The following PIAS2 variants were observed in gnomAD, a reference collection of about 807,000 sequenced individuals.
The protein encoded by PIAS2 is protein inhibitor of activated STAT 2.
A neutral mutation model predicts 69.7 loss-of-function variants in PIAS2; 19 were observed. The ratio of observed to expected loss-of-function variants is 0.27; its 90% confidence interval spans 0.19 to 0.40. The LOEUF is 0.40. Ranked by LOEUF, PIAS2 falls within the 10% of genes least tolerant of loss-of-function variation. The probability of loss-of-function intolerance (pLI) is 1.00; values close to 1 mark genes in which losing one functional copy is unlikely to be tolerated. For missense variants in PIAS2, 624 were observed against 757.0 expected (o/e 0.82, Z 2.06); for synonymous variants, 261 against 263.2 (o/e 0.99, Z 0.08).
chr18:46,828,255 T>C, intron 10 of PIAS2, 125 bp from the exon 11 acceptor site: 3 of 758,166 alleles, frequency 4.0e-6, no homozygotes, highest in South Asian at 6.3e-5. Flanking sequence ...AGCCACATAC[T>C]CCAACCCATG....
At chr18:46,914,234 A>G (rs1168088863) in intron 1 of PIAS2, among the ~76,000 whole-genome samples, 1 of 152,148 alleles carries the variant, frequency 6.6e-6, no homozygotes. Context: ...TTCCCTTTTC[A>G]GAGAACTTCC....
chr18:46,832,908 A>AAAAAAAAAAAAC (rs1568417434), intron 9 of PIAS2, among the ~76,000 whole-genome samples: 5 of 151,788 alleles, frequency 3.3e-5, no homozygotes, highest in African/African-American at 1.2e-4. Flanking sequence ...AAAAAAAAAA[A>AAAAAAAAAAAAC]AGAGAAGCCA....
chr18:46,825,105 T>C (rs962090722), intron 11 of PIAS2, among the ~76,000 whole-genome samples: 1 of 152,160 alleles, frequency 6.6e-6, no homozygotes, highest in African/African-American at 2.4e-5. Context: ...ATTTGCTTAC[T>C]ATCTTTGATG....
rs2040645981 is a variant in PIAS2, at chr18:46,805,539, G to C, written c.*6894C>G. 1 of 152,264 alleles carries C rather than the reference G, an allele frequency of 6.6e-6. No individual in the cohort carries two copies. Among genetic ancestry groups the C allele is most frequent in the African/African-American group, 2.4e-5 (1 of 41,450 alleles). The allele number at this position is 152,264 out of a possible 1,614,324, so 9.4% of individuals were successfully genotyped here. A position where few individuals can be genotyped will look rare whatever the true frequency, so the allele number is the denominator to read the frequency against. ...TTTTTTAGAGACGTGTAACGATGCA[G>C]TAGGGGGGAAGGACAGCAACCACTG... On this transcript the variant is annotated 3_prime_UTR_variant, in exon 14 of 14. Transcript: ENST00000585916.
chr18:46,843,000 G>A (rs550217306), intron 8 of PIAS2, among the ~76,000 whole-genome samples: 1 of 152,310 alleles, frequency 6.6e-6, no homozygotes, highest in African/African-American at 2.4e-5. Flanking sequence ...TAAAAGAGAT[G>A]TACTTGTAAT....
intron 8 of PIAS2, among the ~76,000 whole-genome samples, chr18:46,838,009 G>A (rs2044713737): frequency 6.6e-6 from 1 of 152,190 alleles, no homozygotes; most frequent in African/African-American, 2.4e-5. Context: ...AGGAAACGAA[G>A]AAGACGGACC....
At chr18:46,886,192 G>A (rs1329265315) in intron 2 of PIAS2, among the ~76,000 whole-genome samples, 1 of 152,028 alleles carries the variant, frequency 6.6e-6, no homozygotes, top group Non-Finnish European at 1.5e-5. Flanking sequence ...TATCCTCTCT[G>A]TCCTGTGCTT....
chr18:46,919,506 G>T (rs1212823086), upstream of PIAS2, among the ~76,000 whole-genome samples: 1 of 150,078 alleles, frequency 6.7e-6, no homozygotes, highest in South Asian at 2.1e-4. Context: ...AAAATTAGCC[G>T]GGTGTGGTGG....
rs145288978 is a variant in PIAS2, at chr18:46,806,004, A to C, written c.*6429T>G. 65 of 152,064 alleles carry C rather than the reference A, an allele frequency of 4.3e-4. No individual in the cohort carries two copies. Among genetic ancestry groups the C allele is most frequent in the African/African-American group, 1.4e-3 (60 of 41,480 alleles). The allele number at this position is 152,064 out of a possible 1,614,324, so 9.4% of individuals were successfully genotyped here. A position where few individuals can be genotyped will look rare whatever the true frequency, so the allele number is the denominator to read the frequency against. On this transcript the variant is annotated 3_prime_UTR_variant, in exon 14 of 14. Transcript: ENST00000585916. The stretch of plus-strand genomic sequence containing the variant: ...TGGATGAAAAATGCACTCAACCCTT[A>C]CTCCTATATTCAGTCACTGAATCTT...
intron 1 of PIAS2, among the ~76,000 whole-genome samples, chr18:46,894,463 G>T (rs1052789209): frequency 6.6e-6 from 1 of 152,000 alleles, no homozygotes; most frequent in Non-Finnish European, 1.5e-5. Flanking sequence ...TTTTCCAAGC[G>T]GTTTTTCCAC....
At chr18:46,848,786 T>TGAGA (rs202103771) in intron 5 of PIAS2, among the ~76,000 whole-genome samples, 4 of 147,422 alleles carry the variant, frequency 2.7e-5, no homozygotes, top group Non-Finnish European at 6.0e-5. Flanking sequence ...TGTGTGTGTG[T>TGAGA]GTGAGAGAGA....
rs2144722763 is a variant in PIAS2 at position 46,815,309 on chromosome 18, T to C, written c.1686+3A>G. The C allele has an allele frequency of 6.2e-7, 1 of 1,610,986 alleles. No individual in the cohort carries two copies. The highest frequency in any genetic ancestry group is 8.5e-7 in the Non-Finnish European group (1 of 1,177,604). The stretch of plus-strand genomic sequence containing the variant: ...ATTAGTTGCTTAAATTCAGGATACA[T>C]ACCTGGGGATCAACTGGAATAAGGG... On this transcript the variant is annotated splice_donor_region_variant and intron_variant, in intron 13 of 13. Coordinates refer to ENST00000585916, the MANE Select transcript of PIAS2 (RefSeq NM_004671.5).
At chr18:46,859,353 G>A (rs1023320563) in intron 3 of PIAS2, among the ~76,000 whole-genome samples, 1 of 149,292 alleles carries the variant, frequency 6.7e-6, no homozygotes, top group Non-Finnish European at 1.5e-5. Flanking sequence ...GCGTGAACTC[G>A]GGAGTCAGAG....
At chr18:46,893,384 G>T (rs1345798506) in intron 1 of PIAS2, 3 of 637,650 alleles carry the variant, frequency 4.7e-6, no homozygotes, top group Non-Finnish European at 5.9e-6. Flanking sequence ...CATTTTAAGG[G>T]AAGCTATTTT....
intron 2 of PIAS2, among the ~76,000 whole-genome samples, chr18:46,881,656 A>G (rs961354026): frequency 6.6e-6 from 1 of 152,196 alleles, no homozygotes; most frequent in Admixed American, 6.5e-5. Flanking sequence ...AGGCCAATGC[A>G]GTAACTGACC....
At chr18:46,917,516 C>G (rs1000191399), upstream of PIAS2, 4 of 1,158,382 alleles carry the variant, frequency 3.5e-6, no homozygotes, top group African/African-American at 6.5e-5. Flanking sequence ...GTGAACGGCG[C>G]GGGAGCTCCG....
chr18:46,838,349 G>A (rs1022645186), intron 8 of PIAS2, among the ~76,000 whole-genome samples: 1 of 152,094 alleles, frequency 6.6e-6, no homozygotes, highest in Non-Finnish European at 1.5e-5. Context: ...TTATAAATAA[G>A]GAAACTAAGG....
chr18:46,902,593 T>TA (rs2056048510), intron 1 of PIAS2, among the ~76,000 whole-genome samples: 1 of 151,798 alleles, frequency 6.6e-6, no homozygotes, highest in African/African-American at 2.4e-5. Context: ...CCTAAACAAA[T>TA]AAATTCTTCA....
chr18:46,830,606 T>G (rs2043468982), intron 9 of PIAS2, among the ~76,000 whole-genome samples: 1 of 150,792 alleles, frequency 6.6e-6, no homozygotes, highest in East Asian at 1.9e-4. Context: ...AAAAGAGAAA[T>G]AACAAAGAAC....
Sources: gnomAD v4.1 joint callset for allele counts (sites outside exome capture counted in the v4.1 genomes callset) on GRCh38, gnomAD v4.1.1 for gene constraint, MANE v1.5 for transcripts, NCBI Gene and HGNC (gene_info 2026-07-23, HGNC 2026-07-21) for gene names.